Variants in DPY19L4 observed in about 807,000 individuals in gnomAD.
DPY19L4 encodes probable C-mannosyltransferase DPY19L4.
Under a neutral mutation model 102.8 loss-of-function variants are expected in DPY19L4, and 97 were observed. The observed-to-expected ratio is 0.94, with a 90% confidence interval of 0.80 to 1.12. DPY19L4 has a LOEUF of 1.12. Among genes scored for constraint, DPY19L4 ranks in the 50% most tolerant of loss-of-function variants. The probability of loss-of-function intolerance (pLI) is 0.00; values close to 1 mark genes in which losing one functional copy is unlikely to be tolerated. For synonymous variants in DPY19L4, 252 were observed against 283.1 expected (o/e 0.89, Z 1.10); for missense variants, 815 against 850.4 (o/e 0.96, Z 0.52).
intron 7 of DPY19L4, among the ~76,000 whole-genome samples, chr8:94,758,873 T>C (rs1032266748): frequency 6.6e-6 from 1 of 152,106 alleles, no homozygotes; most frequent in African/African-American, 2.4e-5. Context: ...CAGCCAGGAC[T>C]GCAGATGCAC....
At position 94,792,342 on chromosome 8, in the gene DPY19L4, G is replaced by A. The variant is rs1813911461; in HGVS notation, c.*2432G>A. Reference sequence around the variant, plus strand: ...CGCTCGCTGCAACCTCCGCCTCCCAGGTTCAAGTGATTCTCCTGCCTCAGC... The same window carrying A: ...CGCTCGCTGCAACCTCCGCCTCCCAAGTTCAAGTGATTCTCCTGCCTCAGC... On this transcript the variant is annotated 3_prime_UTR_variant, in exon 19 of 19. Transcript: ENST00000414645. The A allele has an allele frequency of 6.6e-6, 1 of 152,082 alleles. No individual in the cohort carries two copies. The highest frequency in any genetic ancestry group is 1.5e-5 in the Non-Finnish European group (1 of 68,152). 9.4% of individuals were successfully genotyped at this position (152,082 alleles called of 1,614,324 possible).
chr8:94,739,861 TC>T, intron 6 of DPY19L4, 71 bp downstream of exon 6: 2 of 1,549,916 alleles, frequency 1.3e-6, no homozygotes, highest in Non-Finnish European at 8.7e-7. Context: ...TGAAAATGCC[TC>T]CCCTCCCCAA....
chr8:94,760,527 T>G (rs150052763), intron 7 of DPY19L4, among the ~76,000 whole-genome samples: 101 of 152,374 alleles, frequency 6.6e-4, no homozygotes, highest in African/African-American at 2.4e-3. Context: ...TTAATCTTAT[T>G]CAGGATGCTG....
intron 14 of DPY19L4, among the ~76,000 whole-genome samples, chr8:94,779,031 C>A (rs972454975): frequency 6.6e-6 from 1 of 152,084 alleles, no homozygotes; most frequent in Non-Finnish European, 1.5e-5. Flanking sequence ...GTCAGACTTA[C>A]ATTTTCTATT....
chr8:94,734,593 A>T (rs1372193056), intron 2 of DPY19L4, 37 bp from the exon 3 acceptor site: 4 of 1,578,804 alleles, frequency 2.5e-6, no homozygotes. Flanking sequence ...TCAAGGGTAC[A>T]TATTACCTTT....
chr8:94,765,872 A>G, intron 10 of DPY19L4, 63 bp downstream of exon 10: 2 of 1,066,726 alleles, frequency 1.9e-6, no homozygotes, highest in Non-Finnish European at 2.8e-6. Context: ...ATTGGACTAC[A>G]TTTTAATGAG....
chr8:94,737,940 C>T (rs1811258066), intron 3 of DPY19L4, among the ~76,000 whole-genome samples: 1 of 152,088 alleles, frequency 6.6e-6, no homozygotes, highest in South Asian at 2.1e-4. Context: ...GTGGGAGGAT[C>T]ATTTGAGGTT....
At chr8:94,734,789 T>C (rs762082133) in intron 3 of DPY19L4, 35 bp downstream of exon 3, 96 of 1,611,872 alleles carry the variant, frequency 6.0e-5, no homozygotes, top group Non-Finnish European at 7.5e-5. Flanking sequence ...ATGAAAGTTA[T>C]TTTCCCAGGG....
rs1007625034 is a variant in DPY19L4 at position 94,754,925 on chromosome 8, A to G, written c.612-1111A>G. On this transcript the variant is annotated intron_variant, in intron 6 of 18. Transcript: ENST00000414645. ...TGCCTCAGCCTAACAAGTAGCTGGT[A>G]CTACAGGCACGCGCCACCACGGCAG... Among the ~76,000 whole-genome samples, 6 of 152,162 alleles carry G rather than the reference A, an allele frequency of 3.9e-5. 1 individual carries two copies. The South Asian group carries it at 1.0e-3, about 26-fold the overall frequency.
At chr8:94,735,950 A>G (rs1026634319) in intron 3 of DPY19L4, among the ~76,000 whole-genome samples, 4 of 152,230 alleles carry the variant, frequency 2.6e-5, no homozygotes, top group Non-Finnish European at 5.9e-5. Flanking sequence ...CTCTTAGTTC[A>G]TTCAGGCTGC....
At chr8:94,732,485 A>G (rs1811004855) in intron 2 of DPY19L4, among the ~76,000 whole-genome samples, 1 of 152,164 alleles carries the variant, frequency 6.6e-6, no homozygotes, top group African/African-American at 2.4e-5. Flanking sequence ...TGAGACCAGG[A>G]TTTCAAGACC....
intron 1 of DPY19L4, among the ~76,000 whole-genome samples, chr8:94,721,506 C>G (rs1307597936): frequency 6.6e-6 from 1 of 152,108 alleles, no homozygotes; most frequent in Non-Finnish European, 1.5e-5. Context: ...CATTTGTTTA[C>G]TTGGTTCTGT....
chr8:94,764,410 A>G (rs1812538204), intron 8 of DPY19L4, among the ~76,000 whole-genome samples: 1 of 151,598 alleles, frequency 6.6e-6, no homozygotes, highest in Non-Finnish European at 1.5e-5. Flanking sequence ...TCCCGTCTCT[A>G]CTAAAAATAC....
chr8:94,787,185 GT>G (rs536929402), intron 17 of DPY19L4, among the ~76,000 whole-genome samples: 2 of 150,732 alleles, frequency 1.3e-5, no homozygotes, highest in Admixed American at 6.6e-5. Context: ...CATAGAAGTG[GT>G]TTTTTTTTAA....
At chr8:94,730,067 A>G (rs67861508) in intron 2 of DPY19L4, among the ~76,000 whole-genome samples, 43,169 of 151,628 alleles carry the variant, frequency 0.28, 6,452 homozygotes, top group Non-Finnish European at 0.32. Context: ...CTATGTACTT[A>G]TAGTTTTTTT....
At chr8:94,734,238 A>G (rs1013048942) in intron 2 of DPY19L4, among the ~76,000 whole-genome samples, 1 of 150,652 alleles carries the variant, frequency 6.6e-6, no homozygotes, top group Non-Finnish European at 1.5e-5. Context: ...TTTGTATTTT[A>G]GTTTCACCAT....
intron 2 of DPY19L4, among the ~76,000 whole-genome samples, chr8:94,731,694 G>A (rs949099202): frequency 2.9e-4 from 44 of 152,206 alleles, no homozygotes; most frequent in African/African-American, 1.0e-3. Context: ...GGGATTACAG[G>A]TGTGACACTT....
chr8:94,781,967 A>G (rs1813451019), intron 16 of DPY19L4, among the ~76,000 whole-genome samples: 2 of 152,242 alleles, frequency 1.3e-5, no homozygotes, highest in African/African-American at 4.8e-5. Flanking sequence ...ACAGGATTCC[A>G]TAAGTAAAGT....
At chr8:94,771,987 G>T (rs1385827708) in intron 13 of DPY19L4, among the ~76,000 whole-genome samples, 1 of 151,990 alleles carries the variant, frequency 6.6e-6, no homozygotes, top group East Asian at 1.9e-4. Context: ...GGCAAAATAG[G>T]TATTCACATG....
Sources: allele counts gnomAD v4.1 joint callset (sites outside exome capture counted in the v4.1 genomes callset), GRCh38; gene constraint gnomAD v4.1.1; transcripts MANE v1.5; gene names NCBI Gene and HGNC (gene_info 2026-07-23, HGNC 2026-07-21).